SRP72: variants seen among roughly 807,000 people sequenced by gnomAD.
The protein encoded by SRP72 is signal recognition particle 72, also known as signal recognition particle subunit SRP72.
A neutral mutation model predicts 96.3 loss-of-function variants in SRP72; 49 were observed. The observed-to-expected ratio is 0.51, with a 90% CI of 0.40 to 0.65. SRP72 has a LOEUF of 0.65. Among genes scored for constraint, SRP72 ranks in the 30% least tolerant of loss-of-function variants. The pLI, the probability that SRP72 is intolerant of heterozygous loss-of-function variation, is 0.00. For synonymous variants in SRP72, 267 were observed against 275.2 expected (o/e 0.97, Z 0.30); for missense variants, 736 against 793.3 (o/e 0.93, Z 0.87).
At chr4:56,469,514 C>T in intron 1 of SRP72, 139 bp from the exon 2 acceptor site, 1 of 698,540 alleles carries the variant, frequency 1.4e-6, no homozygotes, top group Non-Finnish European at 2.2e-6. Context: ...GTTGCTGTTT[C>T]TTCCAGTTGT....
chr4:56,485,662 C>G (rs1488138973), intron 10 of SRP72, among the ~76,000 whole-genome samples: 1 of 152,020 alleles, frequency 6.6e-6, no homozygotes, highest in African/African-American at 2.4e-5. Flanking sequence ...ATTAGCCTGG[C>G]ATGGTGGCGC....
intron 8 of SRP72, among the ~76,000 whole-genome samples, chr4:56,482,683 G>T (rs1054714312): frequency 6.6e-6 from 1 of 152,102 alleles, no homozygotes; most frequent in African/African-American, 2.4e-5. Flanking sequence ...CTAAATTCTA[G>T]AGGGCATAGC....
intron 17 of SRP72, among the ~76,000 whole-genome samples, chr4:56,497,041 T>C (rs1721093992): frequency 6.6e-6 from 1 of 152,142 alleles, no homozygotes; most frequent in Non-Finnish European, 1.5e-5. Flanking sequence ...TTTTTATGTG[T>C]GTTTATATGT....
intron 17 of SRP72, among the ~76,000 whole-genome samples, chr4:56,499,740 A>C (rs1034238842): frequency 2.2e-4 from 34 of 152,210 alleles, no homozygotes; most frequent in East Asian, 3.8e-4. Context: ...GATGTGGAGA[A>C]ATAGGAACAC....
rs1307279465 is a variant in SRP72 at position 56,502,808 on chromosome 4, C to CA, written c.*950dup. 6.6e-6 allele frequency: 1 copy of CA among 152,082 alleles called. No individual in the cohort carries two copies. The highest frequency in any genetic ancestry group is 1.5e-5 in the Non-Finnish European group (1 of 68,012). 9.4% of individuals were successfully genotyped at this position (152,082 alleles called of 1,614,324 possible). A position where few individuals can be genotyped will look rare whatever the true frequency, so the allele number is the denominator to read the frequency against. On this transcript the variant is annotated 3_prime_UTR_variant, in exon 19 of 19. Coordinates refer to ENST00000642900, the MANE Select transcript of SRP72 (RefSeq NM_006947.4). ...TCTGTTTGGCCCATTGATAGATACT[C>CA]AAATGGTGTCTCCTTCTGGTTATGG...
chr4:56,484,490 G>A (rs565837295), intron 9 of SRP72, among the ~76,000 whole-genome samples: 2 of 152,166 alleles, frequency 1.3e-5, no homozygotes, highest in South Asian at 2.1e-4. Flanking sequence ...GCATCCAAGT[G>A]AATGTTTAGA....
chr4:56,499,791 G>A (rs1167632309), intron 17 of SRP72, among the ~76,000 whole-genome samples: 1 of 152,226 alleles, frequency 6.6e-6, no homozygotes, highest in African/African-American at 2.4e-5. Flanking sequence ...TTTAGCCATT[G>A]TGGAAGACAG....
intron 8 of SRP72, among the ~76,000 whole-genome samples, chr4:56,481,617 TGGTA>T (rs1720488508): frequency 6.6e-6 from 1 of 152,028 alleles, no homozygotes; most frequent in African/African-American, 2.4e-5. Context: ...GGTTCAAAAG[TGGTA>T]CAGATATGTT....
chr4:56,484,877 C>A lies in SRP72; in HGVS notation c.1086+13C>A. Reference sequence around the variant, plus strand: ...AGAGCTGCTTCAGGTAAAATAATTACTTGAATGAGGTGTCAGACATTTGCA... The same window carrying A: ...AGAGCTGCTTCAGGTAAAATAATTAATTGAATGAGGTGTCAGACATTTGCA... On this transcript the variant is annotated intron_variant, in intron 10 of 18. Transcript: ENST00000642900. 1 of 1,607,280 alleles carries A rather than the reference C, an allele frequency of 6.2e-7. No homozygotes were observed. Among genetic ancestry groups the A allele is most frequent in the Non-Finnish European group, 8.5e-7 (1 of 1,178,626 alleles).
In SRP72 at chr4:56,482,980, T is replaced by C. The variant is rs112393901; in HGVS notation, c.826-159T>C. 3.9e-3 allele frequency among the ~76,000 whole-genome samples: 598 copies of C among 152,356 alleles called. 5 individuals are homozygous for C. The highest frequency in any genetic ancestry group is 0.013 in the African/African-American group (549 of 41,588). Reference sequence around the variant, plus strand: ...AAAAAGAGTAGATTTGAATTACTTCTGTGAATCAGGATAAATTTATATGCA... The same window carrying C: ...AAAAAGAGTAGATTTGAATTACTTCCGTGAATCAGGATAAATTTATATGCA... On this transcript the variant is annotated intron_variant, in intron 8 of 18. Transcript: ENST00000642900.
intron 9 of SRP72, among the ~76,000 whole-genome samples, chr4:56,483,934 T>C (rs1028150585): frequency 6.6e-6 from 1 of 151,998 alleles, no homozygotes; most frequent in African/African-American, 2.4e-5. Context: ...TTATAAATGT[T>C]AAGGAAGTCA....
At chr4:56,478,543 G>C (rs550705919) in intron 7 of SRP72, 40 bp downstream of exon 7, 1 of 1,612,770 alleles carries the variant, frequency 6.2e-7, no homozygotes, top group East Asian at 2.2e-5. Flanking sequence ...AGGGGATGGG[G>C]TTCTTTTTAA....
intron 6 of SRP72, among the ~76,000 whole-genome samples, chr4:56,477,417 A>G (rs1159364284): frequency 6.7e-6 from 1 of 148,916 alleles, no homozygotes; most frequent in Middle Eastern, 3.2e-3. Flanking sequence ...CAATCCTCTC[A>G]CCACAGCCTC....
At chr4:56,473,958 G>A in intron 3 of SRP72, 96 bp from the exon 4 acceptor site, 1 of 1,225,210 alleles carries the variant, frequency 8.2e-7, no homozygotes, top group East Asian at 2.4e-5. Context: ...TGCTGAACTA[G>A]GATTCCTACT....
chr4:56,495,707 TA>T (rs1162415647), intron 17 of SRP72, among the ~76,000 whole-genome samples: 1 of 152,218 alleles, frequency 6.6e-6, no homozygotes, highest in African/African-American at 2.4e-5. Context: ...ATACTACATG[TA>T]AAGTTCTTAG....
rs6857233 is a variant in SRP72, at chr4:56,467,815, G to A, written c.109+71G>A. On this transcript the variant is annotated intron_variant, in intron 1 of 18. Transcript: ENST00000642900. ...GATGCGGCCTGTTTCCGGCGCGCGA[G>A]ACCACCTCGCGCGGGAGGCACGGGA... is the stretch of plus-strand genomic sequence containing the variant. 5,186 of 1,342,924 alleles carry A rather than the reference G, an allele frequency of 3.9e-3. 170 individuals carry two copies. In the African/African-American group the frequency reaches 0.072, roughly 19 times the overall value. The allele number at this position is 1,342,924 out of a possible 1,614,324, so 83.2% of individuals were successfully genotyped here.
In SRP72 at chr4:56,502,506, T is replaced by G. The variant is rs1721302412; in HGVS notation, c.*645T>G. ...ATGTATATATATATACATATATATATATATATAAACATGAAATATATATAT... is the reference window on the plus strand; with the variant it reads ...ATGTATATATATATACATATATATAGATATATAAACATGAAATATATATAT... On this transcript the variant is annotated 3_prime_UTR_variant, in exon 19 of 19. Transcript: ENST00000642900. 2.2e-5 allele frequency: 3 copies of G among 139,174 alleles called. No homozygotes were observed. The South Asian group carries it at 6.6e-4, about 31-fold the overall frequency. The allele number at this position is 139,174 out of a possible 1,614,324, so 8.6% of individuals were successfully genotyped here.
chr4:56,483,201 T>C lies in SRP72; in HGVS notation c.888T>C (p.Phe296=). The C allele has an allele frequency of 6.2e-7, 1 of 1,612,298 alleles. No individual in the cohort carries two copies. The highest frequency in any genetic ancestry group is 8.5e-7 in the Non-Finnish European group (1 of 1,179,778). ...TAACCAATGCGGAAGGAGTAGAGTT[T>C]AAGCTTTCCAAGAAACAACTACAAG... ...VKLTNAEGVE[F]KLSKKQLQAI... is the part of the protein sequence containing the mutation. The change falls in exon 9 of 19, where the codon TTT becomes TTC. Residue 296 remains phenylalanine (F), a synonymous_variant. Coordinates refer to ENST00000642900, the MANE Select transcript of SRP72 (RefSeq NM_006947.4).
At chr4:56,469,222 T>G (rs1025751099) in intron 1 of SRP72, among the ~76,000 whole-genome samples, 1 of 152,186 alleles carries the variant, frequency 6.6e-6, no homozygotes, top group African/African-American at 2.4e-5. Context: ...GCCCAATACC[T>G]CAAAGCATTT....
Sources: allele counts gnomAD v4.1 joint callset (sites outside exome capture counted in the v4.1 genomes callset), GRCh38; gene constraint gnomAD v4.1.1; transcripts MANE v1.5; gene names NCBI Gene and HGNC (gene_info 2026-07-23, HGNC 2026-07-21).